The following PTPN22 variants were observed in gnomAD, a reference collection of about 807,000 sequenced individuals.
PTPN22 encodes tyrosine-protein phosphatase non-receptor type 22.
In PTPN22, 85 loss-of-function variants were observed where a neutral mutation model predicts 103.3. The ratio of observed to expected loss-of-function variants is 0.82; its 90% CI spans 0.69 to 0.99. The LOEUF is 0.99. PTPN22 is among the 50% of genes least tolerant of loss of function. The pLI, the probability that PTPN22 is intolerant of heterozygous loss-of-function variation, is 0.00. For synonymous variants in PTPN22, 323 were observed against 310.2 expected, an observed-to-expected ratio of 1.04 and a Z score of -0.43; for missense variants, 865 against 936.9, an observed-to-expected ratio of 0.92 and a Z score of 1.00.
At chr1:113,848,672 A>C in intron 10 of PTPN22, 46 bp from the exon 11 acceptor site, 1 of 1,573,336 alleles carries the variant, frequency 6.4e-7, no homozygotes, top group South Asian at 1.1e-5. Context: ...AAAACAAAAA[A>C]ATTGGTGAAC....
At chr1:113,837,591 T>C in exon 13 of PTPN22, 1 of 1,550,808 alleles carries the variant, frequency 6.4e-7, no homozygotes. Flanking sequence ...ATAACTTACC[T>C]AGTACAGCTG....
chr1:113,841,882 C>T lies in PTPN22; in HGVS notation c.916-3262G>A, dbSNP rs141776865. Reference sequence around the variant, plus strand: ...CCTCCCAAAGTGCTGGGATTACAGGCGTGAGCCACCGCATACAGCCTCAAT... The same window carrying T: ...CCTCCCAAAGTGCTGGGATTACAGGTGTGAGCCACCGCATACAGCCTCAAT... On this transcript the variant is annotated intron_variant, in intron 11 of 20. Transcript: ENST00000359785. Among the ~76,000 whole-genome samples the T allele has an allele frequency of 1.8e-3, 276 of 152,218 alleles. 1 individual carries two copies. The highest frequency in any genetic ancestry group is 6.2e-3 in the African/African-American group (258 of 41,530).
chr1:113,840,100 A>G lies in PTPN22; in HGVS notation c.916-1480T>C, dbSNP rs143695235. Among the ~76,000 whole-genome samples the G allele has an allele frequency of 9.0e-3, 1,370 of 151,872 alleles. 21 individuals are homozygous for G. The highest frequency in any genetic ancestry group is 0.031 in the African/African-American group (1,302 of 41,422). On this transcript the variant is annotated intron_variant, in intron 11 of 20. Coordinates refer to ENST00000359785, the Ensembl canonical transcript of PTPN22. Reference sequence around the variant, plus strand: ...GTGGTGCACACCTGTAATCCCACCTATTCGGGAGGCTGAAGCAGGAGACTT... The same window carrying G: ...GTGGTGCACACCTGTAATCCCACCTGTTCGGGAGGCTGAAGCAGGAGACTT...
chr1:113,822,596 A>T (rs1407884258), intron 19 of PTPN22, among the ~76,000 whole-genome samples: 1 of 152,028 alleles, frequency 6.6e-6, no homozygotes. Context: ...TCTATCTGAA[A>T]TACTCTTCTC....
intron 19 of PTPN22, among the ~76,000 whole-genome samples, chr1:113,821,705 C>A (rs1272927690): frequency 1.3e-5 from 2 of 152,146 alleles, no homozygotes; most frequent in Non-Finnish European, 2.9e-5. Flanking sequence ...AGGAAACTAC[C>A]CCTCCCCAGT....
At chr1:113,834,619 C>G (rs184033064) in intron 14 of PTPN22, among the ~76,000 whole-genome samples, 180 bp from the exon 15 acceptor site, 2 of 152,232 alleles carry the variant, frequency 1.3e-5, no homozygotes, top group Admixed American at 6.5e-5. Flanking sequence ...AGTGCAGTGG[C>G]ACAATCATGG....
intron 11 of PTPN22, among the ~76,000 whole-genome samples, chr1:113,847,126 C>T (rs12760457): frequency 0.22 from 32,440 of 149,190 alleles, 4,414 homozygotes; most frequent in South Asian, 0.39. Context: ...TTCTTTTTTC[C>T]GTACCCTCTA....
At chr1:113,825,222 T>C in intron 18 of PTPN22, 50 bp from the exon 19 acceptor site, 1 of 1,146,868 alleles carries the variant, frequency 8.7e-7, no homozygotes, top group Non-Finnish European at 1.2e-6. Flanking sequence ...AAACTTGAAA[T>C]ACTTTAATCA....
chr1:113,834,584 G>A, intron 14 of PTPN22, 145 bp from the exon 15 acceptor site: 2 of 947,382 alleles, frequency 2.1e-6, no homozygotes, highest in Non-Finnish European at 3.2e-6. Flanking sequence ...TTTGAGACAG[G>A]GTCTTGCTCT....
intron 20 of PTPN22, chr1:113,815,514 T>A (rs1661075432): frequency 6.6e-6 from 1 of 152,152 alleles, no homozygotes. Context: ...TCAAACTTGT[T>A]CCCCCTACCC....
chr1:113,868,950 G>A (rs1170824607), intron 1 of PTPN22, among the ~76,000 whole-genome samples: 4 of 152,048 alleles, frequency 2.6e-5, no homozygotes, highest in Non-Finnish European at 2.9e-5. Context: ...TTGGCTGGGC[G>A]TGGTGGCTCA....
intron 1 of PTPN22, among the ~76,000 whole-genome samples, chr1:113,869,433 T>G (rs1462628323): frequency 6.6e-6 from 1 of 151,912 alleles, no homozygotes; most frequent in East Asian, 1.9e-4. Context: ...TCGCTCTTGT[T>G]GTCCAGGCTG....
At chr1:113,836,154 T>C (rs762491693) in intron 13 of PTPN22, among the ~76,000 whole-genome samples, 8 of 152,212 alleles carry the variant, frequency 5.3e-5, no homozygotes, top group Non-Finnish European at 1.0e-4. Flanking sequence ...CAATAAATAA[T>C]GTTATAGAGC....
Position 113,837,989 on chromosome 1 carries a change from A to T in PTPN22, c.1411T>A (p.Tyr471Asn), listed in dbSNP as rs200292847. The change falls in exon 13 of 21, where the codon TAT becomes AAT. Residue 471 changes from tyrosine to asparagine, a missense_variant. Physicochemically the swap from Tyr to Asn is moderately radical, Grantham distance 143. This residue lies in a region of PTPN22 where 401 missense variants were observed against 388.6 expected (regional missense o/e 1.03). Coordinates refer to ENST00000359785, the Ensembl canonical transcript of PTPN22. ...GAATCATGTGGTTGAGATTCCAAAT[A>T]AGAAAAGTTTTCCTTGCTGTCCACC... The T allele has an allele frequency of 1.8e-5, 29 of 1,614,124 alleles. 1 individual carries two copies. The highest frequency in any genetic ancestry group is 3.3e-4 in the Middle Eastern group (2 of 6,060).
Position 113,830,137 on chromosome 1 carries a change from C to CA in PTPN22, c.2054-109dup, listed in dbSNP as rs2101923962. On this transcript the variant is annotated intron_variant, in intron 16 of 20. Transcript: ENST00000359785. ...TTTTTAATCAATCAATCTTAGCCGA[C>CA]AATCACCAAATAAAATATTATCTGA... is the stretch of plus-strand genomic sequence containing the variant. 1.2e-5 allele frequency: 9 copies of CA among 773,974 alleles called. No homozygotes were observed. In the South Asian group the frequency reaches 1.2e-4, roughly 10 times the overall value. The allele number at this position is 773,974 out of a possible 1,614,324, so 47.9% of individuals were successfully genotyped here. A position where few individuals can be genotyped will look rare whatever the true frequency, so the allele number is the denominator to read the frequency against.
chr1:113,823,964 CCTT>C (rs990828022), intron 19 of PTPN22, among the ~76,000 whole-genome samples: 8 of 152,088 alleles, frequency 5.3e-5, no homozygotes, highest in African/African-American at 1.9e-4. Context: ...CAAAAGGAAA[CCTT>C]CTTTCTTAGA....
chr1:113,845,200 GTTTTTT>G (rs766526572), intron 11 of PTPN22, among the ~76,000 whole-genome samples: 26 of 137,674 alleles, frequency 1.9e-4, no homozygotes, highest in African/African-American at 6.9e-4. Context: ...TTTTGTTTTT[GTTTTTT>G]TTTTTTTTGA....
At chr1:113,848,428 G>T in intron 11 of PTPN22, 112 bp downstream of exon 11, 1 of 1,478,624 alleles carries the variant, frequency 6.8e-7, no homozygotes, top group South Asian at 1.2e-5. Context: ...ATGCACACCT[G>T]ACGCTCTCAA....
At chr1:113,839,429 A>G (rs1192042117) in intron 11 of PTPN22, among the ~76,000 whole-genome samples, 1 of 148,744 alleles carries the variant, frequency 6.7e-6, no homozygotes, top group Non-Finnish European at 1.5e-5. Flanking sequence ...TTATTCTGTT[A>G]CCCAGGCTGG....
Sources: allele counts gnomAD v4.1 joint callset (sites outside exome capture counted in the v4.1 genomes callset), GRCh38; gene constraint gnomAD v4.1.1; regional missense constraint gnomAD v4.1.1; transcripts MANE v1.5; gene names NCBI Gene and HGNC (gene_info 2026-07-23, HGNC 2026-07-21).